Variants in PCYT1B observed in about 807,000 individuals in gnomAD.
PCYT1B encodes the protein phosphate cytidylyltransferase 1B, choline, also known as choline-phosphate cytidylyltransferase B.
A neutral mutation model predicts 26.4 loss-of-function variants in PCYT1B; 10 were observed. The observed-to-expected ratio is 0.38, with a 90% confidence interval of 0.23 to 0.64. The LOEUF (loss-of-function observed/expected upper bound fraction) is 0.64. PCYT1B is among the 30% of genes least tolerant of loss of function. The pLI is 0.56. For synonymous variants in PCYT1B, 131 were observed against 108.4 expected, an observed-to-expected ratio of 1.21 and a Z score of -1.29; for missense variants, 161 against 292.7, an observed-to-expected ratio of 0.55 and a Z score of 3.28.
At chrX:24,585,525 C>G (rs1375615060) in intron 5 of PCYT1B, among the ~76,000 whole-genome samples, 1 of 111,069 alleles carries the variant, frequency 9.0e-6, no homozygotes, top group East Asian at 2.8e-4. Flanking sequence ...GTGGCCAGGA[C>G]AGGCCAAAGT....
At position 24,561,440 on chromosome X, in the gene PCYT1B, T is replaced by C. The variant is rs926695692; in HGVS notation, c.*853A>G. The C allele has an allele frequency of 1.8e-5, 2 of 112,494 alleles. No individual in the cohort carries two copies. Among genetic ancestry groups the C allele is most frequent in the Non-Finnish European group, 3.7e-5 (2 of 53,362 alleles). The allele number at this position is 112,494 out of a possible 1,213,427, so 9.3% of individuals were successfully genotyped here. A position where few individuals can be genotyped will look rare whatever the true frequency, so the allele number is the denominator to read the frequency against. ...TGGGAAAAGCCATTCCATAATAGCA[T>C]CCTTTAAGGAGAAGCTTCAGGAGAC... On this transcript the variant is annotated 3_prime_UTR_variant, in exon 8 of 8. Transcript: ENST00000379144.
chrX:24,593,808 T>C (rs921749031), intron 3 of PCYT1B, among the ~76,000 whole-genome samples: 1 of 111,163 alleles, frequency 9.0e-6, no homozygotes, highest in Non-Finnish European at 1.9e-5. Flanking sequence ...ATTATAGGCG[T>C]GAGCCACCGC....
intron 7 of PCYT1B, among the ~76,000 whole-genome samples, chrX:24,569,487 G>A (rs1209767731): frequency 8.9e-6 from 1 of 111,970 alleles, no homozygotes; most frequent in African/African-American, 3.2e-5. Flanking sequence ...AAACACCAAT[G>A]TTCACATCAA....
Position 24,630,408 on chromosome X carries a change from G to T in PCYT1B, c.118-11324C>A, listed in dbSNP as rs181088581. Among the ~76,000 whole-genome samples, 668 of 111,162 alleles carry T rather than the reference G, an allele frequency of 6.0e-3. 7 individuals are homozygous for T. The highest frequency in any genetic ancestry group is 0.021 in the African/African-American group (652 of 30,529). ...CCCCCTGAGTTCACGCCATTCTCCT[G>T]CCTCAGCCTCCCGAGTAGCTGGGAC... On this transcript the variant is annotated intron_variant, in intron 1 of 7. Coordinates refer to ENST00000379144, the MANE Select transcript of PCYT1B (RefSeq NM_004845.5).
intron 1 of PCYT1B, among the ~76,000 whole-genome samples, chrX:24,662,374 G>A (rs1412198795): frequency 9.0e-6 from 1 of 111,499 alleles, no homozygotes; most frequent in Non-Finnish European, 1.9e-5. Flanking sequence ...TCTTGGGGCT[G>A]GGGGTGCTGT....
chrX:24,624,688 A>G (rs974872561), intron 1 of PCYT1B, among the ~76,000 whole-genome samples: 4 of 111,567 alleles, frequency 3.6e-5, no homozygotes, highest in African/African-American at 1.3e-4. Context: ...CTCTGCTAGG[A>G]AGCAGTGTGT....
chrX:24,584,389 A>C (rs1407317768), intron 5 of PCYT1B, among the ~76,000 whole-genome samples: 1 of 112,454 alleles, frequency 8.9e-6, no homozygotes, highest in African/African-American at 3.2e-5. Context: ...GCTGTAACCC[A>C]TCTTGATGTA....
chrX:24,577,455 A>G (rs111996698), intron 6 of PCYT1B, among the ~76,000 whole-genome samples: 6 of 112,350 alleles, frequency 5.3e-5, no homozygotes, highest in African/African-American at 1.9e-4. Flanking sequence ...TATTGAAATA[A>G]CCAGGGCTTT....
chrX:24,672,711 T>C (rs773549197), upstream of PCYT1B: 8 of 812,659 alleles, frequency 9.8e-6, no homozygotes, highest in Non-Finnish European at 1.5e-5. Flanking sequence ...GAAATTTTTG[T>C]TGCTCACTTG....
chrX:24,572,476 T>C (rs776747261), intron 7 of PCYT1B, among the ~76,000 whole-genome samples: 93 of 112,036 alleles, frequency 8.3e-4, no homozygotes, highest in African/African-American at 2.9e-3. Flanking sequence ...AGAACTTGTA[T>C]CTTAAATCCT....
At chrX:24,583,879 G>A (rs1359005185) in intron 5 of PCYT1B, among the ~76,000 whole-genome samples, 1 of 111,805 alleles carries the variant, frequency 8.9e-6, no homozygotes. Context: ...GGAATCTCTG[G>A]CCCCACCAGA....
chrX:24,569,793 G>T (rs1414664117), intron 7 of PCYT1B, among the ~76,000 whole-genome samples: 1 of 112,015 alleles, frequency 8.9e-6, no homozygotes, highest in African/African-American at 3.2e-5. Context: ...TACAGTTTCT[G>T]TTTGGGATGA....
At chrX:24,594,980 G>A (rs767751409) in intron 3 of PCYT1B, among the ~76,000 whole-genome samples, 1 of 111,608 alleles carries the variant, frequency 9.0e-6, no homozygotes, top group South Asian at 3.8e-4. Context: ...ACATGGTGAA[G>A]TTTTGAGAAT....
At chrX:24,613,998 A>T (rs1210931233) in intron 2 of PCYT1B, among the ~76,000 whole-genome samples, 1 of 109,168 alleles carries the variant, frequency 9.2e-6, no homozygotes, top group Non-Finnish European at 1.9e-5. Context: ...AGAGAAAGAA[A>T]GAAAGAGAGA....
At chrX:24,671,829 T>C (rs1455878505) in intron 1 of PCYT1B, among the ~76,000 whole-genome samples, 5 of 111,978 alleles carry the variant, frequency 4.5e-5, no homozygotes, top group Non-Finnish European at 9.4e-5. Context: ...TTTAACAAGG[T>C]TCCCCTTGAA....
At chrX:24,606,599 C>T (rs1925143158) in intron 3 of PCYT1B, among the ~76,000 whole-genome samples, 1 of 112,328 alleles carries the variant, frequency 8.9e-6, no homozygotes, top group African/African-American at 3.2e-5. Flanking sequence ...CACAGTGGCT[C>T]ACGCCTGTAA....
rs949857768 is a variant in PCYT1B, at chrX:24,660,130, C to CA, written c.63+12439dup. Among the ~76,000 whole-genome samples the CA allele has an allele frequency of 3.7e-5, 4 of 108,565 alleles. No individual in the cohort carries two copies. In the South Asian group the frequency reaches 1.6e-3, roughly 43 times the overall value. The allele number at this position is 108,565 out of a possible 115,157, so 94.3% of individuals were successfully genotyped here. A position where few individuals can be genotyped will look rare whatever the true frequency, so the allele number is the denominator to read the frequency against. ...CATCAGGGCTTTTAAAAGTTTAGAA[C>CA]AAAAAAAAAGTTCAGAACCACTGTG... On this transcript the variant is annotated intron_variant, in intron 1 of 7. Transcript: ENST00000379145.
At chrX:24,602,721 TACTC>T (rs990019187) in intron 3 of PCYT1B, among the ~76,000 whole-genome samples, 6 of 112,479 alleles carry the variant, frequency 5.3e-5, no homozygotes, top group African/African-American at 1.3e-4. Flanking sequence ...AAAAGGCTAA[TACTC>T]ACAATATTCC....
chrX:24,644,544 T>G (rs2148272267), intron 1 of PCYT1B, among the ~76,000 whole-genome samples: 1 of 110,384 alleles, frequency 9.1e-6, no homozygotes, highest in Admixed American at 9.7e-5. Context: ...TATGAGTATG[T>G]TATAGAAGAA....
Sources: gnomAD v4.1 joint callset for allele counts (sites outside exome capture counted in the v4.1 genomes callset) on GRCh38, gnomAD v4.1.1 for gene constraint, MANE v1.5 for transcripts, NCBI Gene and HGNC (gene_info 2026-07-23, HGNC 2026-07-21) for gene names.